KCNB2: variants seen among roughly 807,000 people sequenced by gnomAD.
The protein encoded by KCNB2 is delayed rectifier potassium channel protein.
Under a neutral mutation model 61.5 loss-of-function variants are expected in KCNB2, and 15 were observed. The observed-to-expected ratio is 0.24, with a 90% CI of 0.16 to 0.38. The LOEUF (loss-of-function observed/expected upper bound fraction) is 0.38. KCNB2 is among the 10% of genes least tolerant of loss of function. The pLI, the probability that KCNB2 is intolerant of heterozygous loss-of-function variation, is 1.00. For synonymous variants in KCNB2, 457 were observed against 446.0 expected, an observed-to-expected ratio of 1.02 and a Z score of -0.31; for missense variants, 828 against 1,125.2, an observed-to-expected ratio of 0.74 and a Z score of 3.78.
intron 2 of KCNB2, among the ~76,000 whole-genome samples, chr8:72,916,699 G>T (rs565938149): frequency 3.9e-5 from 6 of 152,356 alleles, no homozygotes; most frequent in African/African-American, 1.4e-4. Flanking sequence ...GATGGTAAAT[G>T]TGGGAGATTT....
intron 2 of KCNB2, among the ~76,000 whole-genome samples, chr8:72,702,761 G>A (rs35420720): frequency 0.4 from 61,144 of 152,146 alleles, 14,708 homozygotes; most frequent in Non-Finnish European, 0.56. Context: ...TTTCAGCCTG[G>A]CTGACAGCTC....
intron 2 of KCNB2, among the ~76,000 whole-genome samples, chr8:72,595,824 T>C (rs182843180): frequency 1.1e-3 from 166 of 152,296 alleles, no homozygotes; most frequent in African/African-American, 3.7e-3. Flanking sequence ...CAAATCCAGC[T>C]CTCGCTTATT....
At chr8:72,850,301 C>A (rs1483775858) in intron 2 of KCNB2, among the ~76,000 whole-genome samples, 1 of 151,596 alleles carries the variant, frequency 6.6e-6, no homozygotes, top group Non-Finnish European at 1.5e-5. Context: ...CTCACTGCAA[C>A]CTCCACCTCC....
chr8:72,845,789 C>G (rs957349691), intron 2 of KCNB2, among the ~76,000 whole-genome samples: 2 of 152,188 alleles, frequency 1.3e-5, no homozygotes, highest in African/African-American at 4.8e-5. Flanking sequence ...GCCCCTCCCC[C>G]CCATCAAACT....
intron 2 of KCNB2, among the ~76,000 whole-genome samples, chr8:72,722,380 G>A (rs1243455993): frequency 6.6e-6 from 1 of 152,172 alleles, no homozygotes; most frequent in Non-Finnish European, 1.5e-5. Context: ...CAAAGGACCT[G>A]CTGCCTACCT....
chr8:72,799,173 A>G (rs1027744659), intron 2 of KCNB2, among the ~76,000 whole-genome samples: 1 of 152,148 alleles, frequency 6.6e-6, no homozygotes, highest in African/African-American at 2.4e-5. Flanking sequence ...TCACATCATC[A>G]CACTTGTTTT....
At position 72,885,913 on chromosome 8, in the gene KCNB2, C is replaced by G. The variant is rs115523458; in HGVS notation, c.580-50022C>G. Among the ~76,000 whole-genome samples the G allele has an allele frequency of 1.6e-3, 246 of 152,172 alleles. 1 individual carries two copies. The highest frequency in any genetic ancestry group is 5.6e-3 in the African/African-American group (232 of 41,520). On this transcript the variant is annotated intron_variant, in intron 2 of 2. Transcript: ENST00000523207. ...CTCTACTGTTTCCCAAGATATTTTT[C>G]TAATTCTGACTAAAGATATCAATGT...
chr8:72,593,845 CAG>C (rs1807141854), intron 2 of KCNB2, among the ~76,000 whole-genome samples: 2 of 152,072 alleles, frequency 1.3e-5, no homozygotes, highest in South Asian at 4.1e-4. Context: ...TTGAACGAAC[CAG>C]AGTCTGCCAA....
At chr8:72,834,958 C>A (rs1809758166) in intron 2 of KCNB2, among the ~76,000 whole-genome samples, 1 of 152,120 alleles carries the variant, frequency 6.6e-6, no homozygotes, top group African/African-American at 2.4e-5. Flanking sequence ...GATTGGAAAA[C>A]CAGCAGGAGG....
chr8:72,560,733 C>G (rs114123165), intron 1 of KCNB2, among the ~76,000 whole-genome samples: 4,232 of 152,208 alleles, frequency 0.028, 193 homozygotes, highest in African/African-American at 0.094. Flanking sequence ...AAATTTCCAG[C>G]CATCACTATA....
At chr8:72,893,097 G>T (rs1585957449) in intron 2 of KCNB2, among the ~76,000 whole-genome samples, 1 of 146,970 alleles carries the variant, frequency 6.8e-6, no homozygotes, top group Non-Finnish European at 1.5e-5. Context: ...GATGCAAGTT[G>T]ATTAAAAAAA....
chr8:72,792,860 C>G (rs1178478865), intron 2 of KCNB2, among the ~76,000 whole-genome samples: 5 of 152,136 alleles, frequency 3.3e-5, no homozygotes, highest in Admixed American at 3.3e-4. Flanking sequence ...AGTGAAGAAT[C>G]AATAGCACTT....
chr8:72,685,469 C>T (rs758887777), intron 2 of KCNB2, among the ~76,000 whole-genome samples: 12 of 152,034 alleles, frequency 7.9e-5, no homozygotes, highest in Non-Finnish European at 1.6e-4. Flanking sequence ...CCTGTACTCT[C>T]GGTTTGCAGT....
intron 2 of KCNB2, among the ~76,000 whole-genome samples, chr8:72,608,963 T>C (rs1585782023): frequency 6.6e-6 from 1 of 152,342 alleles, no homozygotes; most frequent in East Asian, 1.9e-4. Context: ...GATAACAATT[T>C]AGTGCAATTA....
intron 2 of KCNB2, among the ~76,000 whole-genome samples, chr8:72,655,010 G>A (rs1475438683): frequency 6.6e-6 from 1 of 152,084 alleles, no homozygotes; most frequent in African/African-American, 2.4e-5. Context: ...TTTCATCACA[G>A]CACTGTTAAT....
intron 2 of KCNB2, among the ~76,000 whole-genome samples, chr8:72,655,276 T>C (rs1806273397): frequency 6.6e-6 from 1 of 151,884 alleles, no homozygotes. Flanking sequence ...AAGAGAACAA[T>C]AGGCATGAGG....
chr8:72,575,038 A>G (rs989776757), intron 2 of KCNB2, among the ~76,000 whole-genome samples: 1 of 152,150 alleles, frequency 6.6e-6, no homozygotes, highest in Non-Finnish European at 1.5e-5. Flanking sequence ...AAATGCTAAG[A>G]GTTTATAGGA....
chr8:72,845,989 A>AG (rs35805851), intron 2 of KCNB2, among the ~76,000 whole-genome samples: 266 of 20,782 alleles, frequency 0.013, 2 homozygotes, highest in African/African-American at 0.041. Flanking sequence ...CTGGGGTATG[A>AG]AAAAAAAAAA....
intron 2 of KCNB2, among the ~76,000 whole-genome samples, chr8:72,900,205 C>T (rs1053590885): frequency 2.0e-5 from 3 of 152,088 alleles, no homozygotes; most frequent in Non-Finnish European, 2.9e-5. Flanking sequence ...TACTTACAAA[C>T]ATCTGACTTT....
Sources: gnomAD v4.1 joint callset for allele counts (sites outside exome capture counted in the v4.1 genomes callset) on GRCh38, gnomAD v4.1.1 for gene constraint, MANE v1.5 for transcripts, NCBI Gene and HGNC (gene_info 2026-07-23, HGNC 2026-07-21) for gene names.